PALLD: variants seen among roughly 807,000 people sequenced by gnomAD.
PALLD encodes the protein palladin, cytoskeletal associated protein.
A neutral mutation model predicts 123.5 loss-of-function variants in PALLD; 61 were observed. That is an observed-to-expected ratio of 0.49 (90% confidence interval 0.40 to 0.61). The LOEUF (loss-of-function observed/expected upper bound fraction) is 0.61. Ranked by LOEUF, PALLD falls within the 20% of genes least tolerant of loss-of-function variation. The pLI is 0.00. For synonymous variants in PALLD, 465 were observed against 496.4 expected (o/e 0.94, Z 0.84); for missense variants, 1,273 against 1,377.0 (o/e 0.92, Z 1.20).
chr4:168,652,205 T>C (rs1010093792), intron 2 of PALLD, among the ~76,000 whole-genome samples: 2 of 152,150 alleles, frequency 1.3e-5, no homozygotes, highest in African/African-American at 4.8e-5. Flanking sequence ...CATGATTTTC[T>C]TTACTCTATA....
intron 10 of PALLD, among the ~76,000 whole-genome samples, chr4:168,840,958 C>A (rs985214966): frequency 2.6e-4 from 40 of 152,148 alleles, no homozygotes; most frequent in Admixed American, 2.1e-3. Flanking sequence ...TCAAGCAATT[C>A]TTCTGCCTCA....
chr4:168,825,476 C>T (rs1384266951), intron 10 of PALLD, among the ~76,000 whole-genome samples: 36 of 152,118 alleles, frequency 2.4e-4, no homozygotes, highest in Middle Eastern at 3.2e-3. Flanking sequence ...AACATAATCC[C>T]GTTTATTTGA....
intron 10 of PALLD, among the ~76,000 whole-genome samples, chr4:168,889,091 C>T (rs1170617356): frequency 6.6e-6 from 1 of 151,042 alleles, no homozygotes; most frequent in Admixed American, 6.6e-5. Context: ...ATGAGGCACA[C>T]AGTGCCTTGA....
rs77651445 is a variant in PALLD, at chr4:168,511,177, C to T, written c.-82-246C>T. On this transcript the variant is annotated intron_variant, in intron 1 of 21. Transcript: ENST00000505667. Reference sequence around the variant, plus strand: ...AGCCCTATCCTACTAATAGTGCCTACTGCACACATCATCTTTTTGAATGAT... The same window carrying T: ...AGCCCTATCCTACTAATAGTGCCTATTGCACACATCATCTTTTTGAATGAT... Among the ~76,000 whole-genome samples the T allele has an allele frequency of 5.1e-3, 782 of 152,278 alleles. 10 individuals are homozygous for T. The highest frequency in any genetic ancestry group is 0.018 in the African/African-American group (741 of 41,540).
intron 2 of PALLD, among the ~76,000 whole-genome samples, chr4:168,615,910 A>G (rs17054412): frequency 0.012 from 1,854 of 152,324 alleles, 51 homozygotes; most frequent in African/African-American, 0.042. Flanking sequence ...CAAGTTGTAG[A>G]TGAAAGGAGT....
chr4:168,642,103 T>C (rs1377099162), intron 2 of PALLD, among the ~76,000 whole-genome samples: 3 of 152,308 alleles, frequency 2.0e-5, no homozygotes, highest in Non-Finnish European at 2.9e-5. Context: ...ACTTAGGGAT[T>C]GTGTGTTCCT....
chr4:168,619,933 T>A (rs991143649), intron 2 of PALLD, among the ~76,000 whole-genome samples: 2 of 152,144 alleles, frequency 1.3e-5, no homozygotes, highest in African/African-American at 2.4e-5. Flanking sequence ...AGTCTGCACT[T>A]TAAGCTCTTC....
intron 2 of PALLD, among the ~76,000 whole-genome samples, chr4:168,621,955 C>T (rs1426609578): frequency 6.6e-6 from 1 of 152,150 alleles, no homozygotes; most frequent in East Asian, 1.9e-4. Flanking sequence ...CTTATATGGG[C>T]ACCCTAGGGT....
At chr4:168,784,310 G>A (rs1736368536) in intron 10 of PALLD, among the ~76,000 whole-genome samples, 1 of 151,646 alleles carries the variant, frequency 6.6e-6, no homozygotes, top group African/African-American at 2.4e-5. Flanking sequence ...TTCAGCCTGG[G>A]AAACAGAGCA....
intron 3 of PALLD, among the ~76,000 whole-genome samples, chr4:168,676,806 C>G (rs543594408): frequency 1.2e-3 from 187 of 151,740 alleles, no homozygotes; most frequent in Non-Finnish European, 2.3e-3. Context: ...GTCTCGATCT[C>G]CTGACCTTGT....
chr4:168,614,775 A>G (rs951215579), intron 2 of PALLD, among the ~76,000 whole-genome samples: 1 of 152,202 alleles, frequency 6.6e-6, no homozygotes, highest in African/African-American at 2.4e-5. Flanking sequence ...AATGAAATCA[A>G]TCCTAATAAC....
rs548185144 is a variant in PALLD at position 168,898,429 on chromosome 4, G to A, written c.2251-64G>A. 4 of 1,012,398 alleles carry A rather than the reference G, an allele frequency of 4.0e-6. No individual in the cohort carries two copies. The East Asian group carries it at 9.8e-5, about 25-fold the overall frequency. 62.7% of individuals were successfully genotyped at this position (1,012,398 alleles called of 1,614,324 possible). The stretch of plus-strand genomic sequence containing the variant: ...TCTTCTAGGGCCTTATTGGGGGGCA[G>A]GGAGAGACGTGACACTTTGTCAGAA... On this transcript the variant is annotated intron_variant, in intron 13 of 21. Coordinates refer to ENST00000505667, the MANE Select transcript of PALLD (RefSeq NM_001166108.2).
At chr4:168,878,389 C>T in intron 10 of PALLD, 1 of 1,492,468 alleles carries the variant, frequency 6.7e-7, no homozygotes, top group Non-Finnish European at 8.9e-7. Context: ...AGGGTGTCAC[C>T]CCCGCGTGAG....
At chr4:168,658,321 G>A (rs1207334073) in intron 2 of PALLD, among the ~76,000 whole-genome samples, 1 of 91,558 alleles carries the variant, frequency 1.1e-5, no homozygotes, top group Non-Finnish European at 2.0e-5. Context: ...ATCTTGCTTT[G>A]TCACTCAGGC....
chr4:168,543,654 C>G (rs571719849), intron 2 of PALLD, among the ~76,000 whole-genome samples: 1 of 152,214 alleles, frequency 6.6e-6, no homozygotes, highest in Non-Finnish European at 1.5e-5. Flanking sequence ...TACCCTGTCC[C>G]AAGAGTCTGA....
rs111648978 is a variant in PALLD, at chr4:168,639,039, C to G, written c.909-29151C>G. Among the ~76,000 whole-genome samples, 201 of 152,268 alleles carry G rather than the reference C, an allele frequency of 1.3e-3. 1 individual carries two copies. The highest frequency in any genetic ancestry group is 2.3e-3 in the Non-Finnish European group (154 of 68,022). On this transcript the variant is annotated intron_variant, in intron 2 of 21. Coordinates refer to ENST00000505667, the MANE Select transcript of PALLD (RefSeq NM_001166108.2). Reference sequence around the variant, plus strand: ...ATACTTCCCCATAAGGATCTTGTACCTCTCCCCAGTTTTCCCAGCCCATGA... The same window carrying G: ...ATACTTCCCCATAAGGATCTTGTACGTCTCCCCAGTTTTCCCAGCCCATGA...
chr4:168,772,987 A>G (rs551018667), intron 10 of PALLD, among the ~76,000 whole-genome samples: 2 of 152,276 alleles, frequency 1.3e-5, no homozygotes, highest in South Asian at 4.2e-4. Context: ...TAATGGGTTT[A>G]CATTATTCCT....
At chr4:168,800,471 C>G (rs73864648) in intron 10 of PALLD, among the ~76,000 whole-genome samples, 5,861 of 152,040 alleles carry the variant, frequency 0.039, 406 homozygotes, top group African/African-American at 0.13. Context: ...GCCACTTCAC[C>G]AAAGAGAGAA....
chr4:168,718,908 A>T (rs1338984766), intron 10 of PALLD, among the ~76,000 whole-genome samples: 14 of 140,224 alleles, frequency 1.0e-4, no homozygotes, highest in Non-Finnish European at 1.4e-4. Flanking sequence ...TGCCAATCTA[A>T]TTTTTTTTTT....
Sources: allele counts gnomAD v4.1 joint callset (sites outside exome capture counted in the v4.1 genomes callset), GRCh38; gene constraint gnomAD v4.1.1; transcripts MANE v1.5; gene names NCBI Gene and HGNC (gene_info 2026-07-23, HGNC 2026-07-21).